Variants in EIF2B5 observed in about 807,000 individuals in gnomAD.
EIF2B5 encodes the protein eukaryotic translation initiation factor 2B subunit epsilon.
Under a neutral mutation model 87.3 loss-of-function variants are expected in EIF2B5, and 38 were observed. The observed-to-expected ratio is 0.44, with a 90% CI of 0.34 to 0.57. EIF2B5 has a LOEUF of 0.57. Among genes scored for constraint, EIF2B5 ranks in the 20% least tolerant of loss-of-function variants. The probability of loss-of-function intolerance (pLI) is 0.02; values close to 1 mark genes in which losing one functional copy is unlikely to be tolerated. For missense variants in EIF2B5, 784 were observed against 909.5 expected (o/e 0.86, Z 1.78); for synonymous variants, 313 against 339.6 (o/e 0.92, Z 0.86).
In EIF2B5 at chr3:184,140,487, A is replaced by G. The variant is rs200143780; in HGVS notation, c.913A>G (p.Met305Val). The G allele has an allele frequency of 3.1e-6, 5 of 1,614,034 alleles. No homozygotes were observed. Among genetic ancestry groups the G allele is most frequent in the East Asian group, 2.2e-5 (1 of 44,874 alleles). The change falls in exon 7 of 16, where the codon ATG becomes GTG. Residue 305 changes from methionine (M) to valine (V), a missense_variant. Physicochemically the swap from Met to Val is conservative, Grantham distance 21. Around this residue, in one of 3 missense-constraint regions of EIF2B5, gnomAD observed 660 missense variants for 789.5 expected, o/e 0.84. Transcript: ENST00000648915. Reference protein sequence around the residue: ...EYGARVSNLHMYSAVCADVIR... With the variant: ...EYGARVSNLHVYSAVCADVIR... The stretch of plus-strand genomic sequence containing the variant: ...TGGTGCCCGTGTCTCCAACCTACAC[A>G]TGTACTCAGCTGTCTGTGCTGACGT...
In EIF2B5 at chr3:184,142,929, G is replaced by C; in HGVS notation, c.1654+43G>C. 6.3e-7 allele frequency: 1 copy of C among 1,588,094 alleles called. No individual in the cohort carries two copies. On this transcript the variant is annotated intron_variant, in intron 11 of 15. Coordinates refer to ENST00000648915, the MANE Select transcript of EIF2B5 (RefSeq NM_003907.3). This position sits in a 1 kb window ranked among gnomAD's most constrained non-coding sequence, Gnocchi z 5.0. ...AATGCGCTGGACCAGTTTATTCTCT[G>C]CCTGGATCAACTAGCCAGAGGCTTA...
intron 1 of EIF2B5, chr3:184,135,793 G>C (rs887849966): frequency 6.2e-6 from 4 of 642,326 alleles, no homozygotes; most frequent in Non-Finnish European, 8.1e-6. Flanking sequence ...TGTCCACCTC[G>C]GGTTTGAAAG....
chr3:184,143,322 C>G (rs1713726781), intron 12 of EIF2B5, 120 bp from the exon 13 acceptor site: 1 of 1,567,314 alleles, frequency 6.4e-7, no homozygotes, highest in South Asian at 1.1e-5. Context: ...TTTCTCCTTC[C>G]TAAACCCTCC....
At chr3:184,137,457 A>G (rs1179848071) in intron 2 of EIF2B5, 163 bp from the exon 3 acceptor site, 14 of 697,872 alleles carry the variant, frequency 2.0e-5, no homozygotes, top group Non-Finnish European at 3.0e-5. Flanking sequence ...TGCTGAAAGC[A>G]TTCATTATAG....
At chr3:184,143,923 A>G (rs765248762) in intron 13 of EIF2B5, 176 bp from the exon 14 acceptor site, 45 of 993,786 alleles carry the variant, frequency 4.5e-5, no homozygotes, top group Admixed American at 2.6e-4. Flanking sequence ...CACCTTCCCT[A>G]AGGAATCTCT....
Position 184,142,756 on chromosome 3 carries a change from C to A in EIF2B5, c.1547-23C>A. The A allele has an allele frequency of 1.2e-6, 2 of 1,607,550 alleles. No homozygotes were observed. Among genetic ancestry groups the A allele is most frequent in the South Asian group, 2.2e-5 (2 of 90,114 alleles). ...TGTCAATGACTCTTTTTTTCTTTTTCCTCACCCATTATGGCTTCTCAGGAC... is the reference window on the plus strand; with the variant it reads ...TGTCAATGACTCTTTTTTTCTTTTTACTCACCCATTATGGCTTCTCAGGAC... On this transcript the variant is annotated intron_variant, in intron 10 of 15. Coordinates refer to ENST00000648915, the MANE Select transcript of EIF2B5 (RefSeq NM_003907.3). This position sits in a 1 kb window ranked among gnomAD's most constrained non-coding sequence, Gnocchi z 5.0.
intron 14 of EIF2B5, 152 bp downstream of exon 14, chr3:184,144,376 C>T (rs571497187): frequency 7.3e-6 from 10 of 1,375,424 alleles, no homozygotes; most frequent in Middle Eastern, 5.0e-4. Context: ...AGCTTGGAGC[C>T]GGACTAATAA....
Position 184,144,232 on chromosome 3 carries a change from TG to T in EIF2B5, c.1995+9del. On this transcript the variant is annotated intron_variant, in intron 14 of 15. Transcript: ENST00000648915. ...GGTATTTCCATGGCCAAGGTGAATA[TG>T]ACCTCAAGCCCCATTCTTCTGCACT... 1.2e-6 allele frequency: 2 copies of T among 1,613,924 alleles called. No homozygotes were observed. Among genetic ancestry groups the T allele is most frequent in the Non-Finnish European group, 1.7e-6 (2 of 1,180,032 alleles).
chr3:184,136,934 C>A, intron 2 of EIF2B5, 198 bp downstream of exon 2: 1 of 729,372 alleles, frequency 1.4e-6, no homozygotes, highest in Non-Finnish European at 2.2e-6. Context: ...TTTTCTGTGA[C>A]AAAGATTAAA....
At chr3:184,144,558 T>G (rs202117493) in intron 14 of EIF2B5, 39 bp from the exon 15 acceptor site, 9 of 1,584,536 alleles carry the variant, frequency 5.7e-6, no homozygotes, top group South Asian at 2.2e-5. Flanking sequence ...TGCTGGACTT[T>G]CCAAGGCCCC....
At chr3:184,141,040 A>G (rs60980365) in intron 7 of EIF2B5, 1 of 413,696 alleles carries the variant, frequency 2.4e-6, no homozygotes, top group Non-Finnish European at 4.4e-6. Context: ...AAGGGCTTTT[A>G]TATACATTGT....
At chr3:184,141,037 T>G (rs887073371) in intron 7 of EIF2B5, 4 of 418,470 alleles carry the variant, frequency 9.6e-6, no homozygotes, top group Non-Finnish European at 1.8e-5. Context: ...ACAAAGGGCT[T>G]TTATATACAT....
chr3:184,140,481 C>T lies in EIF2B5; in HGVS notation c.907C>T (p.Leu303=). The T allele has an allele frequency of 2.5e-6, 4 of 1,614,138 alleles. No homozygotes were observed. The highest frequency in any genetic ancestry group is 3.4e-6 in the Non-Finnish European group (4 of 1,180,034). Residue 303 remains leucine (L), a synonymous_variant, in exon 7 of 16, where the codon CTA becomes TTA. Coordinates refer to ENST00000648915, the MANE Select transcript of EIF2B5 (RefSeq NM_003907.3). ...AKEYGARVSN[L]HMYSAVCADV... ...GGAATATGGTGCCCGTGTCTCCAAC[C>T]TACACATGTACTCAGCTGTCTGTGC...
intron 1 of EIF2B5, chr3:184,135,811 G>A (rs1389297066): frequency 1.6e-6 from 1 of 616,650 alleles, no homozygotes; most frequent in Non-Finnish European, 2.8e-6. Context: ...AAGGAATGAA[G>A]AGAGCTAAAT....
At chr3:184,139,841 T>G (rs182220294) in intron 5 of EIF2B5, among the ~76,000 whole-genome samples, 1 of 150,984 alleles carries the variant, frequency 6.6e-6, no homozygotes, top group Admixed American at 6.6e-5. Context: ...CACAGTGAAA[T>G]CCCATCTCTA....
At chr3:184,143,366 A>G (rs1713728131) in intron 12 of EIF2B5, 76 bp from the exon 13 acceptor site, 7 of 1,611,904 alleles carry the variant, frequency 4.3e-6, no homozygotes, top group African/African-American at 1.3e-5. Context: ...TTCCTCTCCA[A>G]TGTCTATCAA....
Position 184,135,519 on chromosome 3 carries a change from C to G in EIF2B5, c.134C>G (p.Ala45Gly), listed in dbSNP as rs199637444. The G allele has an allele frequency of 1.3e-4, 199 of 1,589,142 alleles. 2 individuals are homozygous for G. Among genetic ancestry groups the G allele is most frequent in the Middle Eastern group, 1.1e-3 (6 of 5,620 alleles). Residue 45 changes from alanine to glycine, a missense_variant, in exon 1 of 16, where the codon GCA becomes GGA. Physicochemically the swap from Ala to Gly is moderately conservative, Grantham distance 60 (BLOSUM62 0). Transcript: ENST00000648915. ...AEEEPPPPLQ[A>G]VLVADSFDRR... ...GAGGAACCGCCGCCGCCCCTACAAG[C>G]AGTTCTGGTGGCCGATAGCTTCGAT... is the stretch of plus-strand genomic sequence containing the variant.
intron 7 of EIF2B5, 31 bp from the exon 8 acceptor site, chr3:184,141,894 G>A: frequency 6.2e-7 from 1 of 1,613,650 alleles, no homozygotes; most frequent in Non-Finnish European, 8.5e-7. Flanking sequence ...GGAACCCTGA[G>A]TTACCCAGAG....
rs372589283 is a variant in EIF2B5, at chr3:184,140,574, A to G, written c.1000A>G (p.Ser334Gly). Reference sequence around the variant, plus strand: ...GAACTTCACTGACAGCACCACCCAGAGCTGCACTCATTCCCGGCACAACAT... The same window carrying G: ...GAACTTCACTGACAGCACCACCCAGGGCTGCACTCATTCCCGGCACAACAT... ...EANFTDSTTQ[S>G]CTHSRHNIYR... is the part of the protein sequence containing the mutation. The change falls in exon 7 of 16, where the codon AGC becomes GGC. Residue 334 changes from serine to glycine, a missense_variant. Ser to Gly is a moderately conservative substitution (Grantham distance 56). Coordinates refer to ENST00000648915, the MANE Select transcript of EIF2B5 (RefSeq NM_003907.3). 3.1e-6 allele frequency: 5 copies of G among 1,614,090 alleles called. No individual in the cohort carries two copies. The highest frequency in any genetic ancestry group is 4.2e-6 in the Non-Finnish European group (5 of 1,180,028).
Sources: allele counts gnomAD v4.1 joint callset (sites outside exome capture counted in the v4.1 genomes callset), GRCh38; gene constraint gnomAD v4.1.1; regional missense constraint gnomAD v4.1.1; non-coding constraint Gnocchi (gnomAD v3.1); transcripts MANE v1.5; gene names NCBI Gene and HGNC (gene_info 2026-07-23, HGNC 2026-07-21).